The following ARHGEF7 variants were observed in gnomAD, a reference collection of about 807,000 sequenced individuals.
ARHGEF7 encodes Rho guanine nucleotide exchange factor 7.
A neutral mutation model predicts 109.8 loss-of-function variants in ARHGEF7; 33 were observed. The observed-to-expected ratio is 0.30, with a 90% CI of 0.23 to 0.40. The LOEUF is 0.40. Ranked by LOEUF, ARHGEF7 falls within the 10% of genes least tolerant of loss-of-function variation. The pLI is 1.00. For missense variants in ARHGEF7, 938 were observed against 1,098.5 expected, an observed-to-expected ratio of 0.85 and a Z score of 2.07; for synonymous variants, 458 against 424.6, an observed-to-expected ratio of 1.08 and a Z score of -0.97.
intron 16 of ARHGEF7, among the ~76,000 whole-genome samples, chr13:111,284,926 C>T (rs913819123): frequency 6.6e-6 from 1 of 152,188 alleles, no homozygotes; most frequent in African/African-American, 2.4e-5. Flanking sequence ...CAATTTGCTT[C>T]GAATTAGGGA....
chr13:111,295,349 T>C, intron 19 of ARHGEF7, among the ~76,000 whole-genome samples: 1 of 152,326 alleles, frequency 6.6e-6, no homozygotes, highest in Non-Finnish European at 1.5e-5. Context: ...GCTTGCACTC[T>C]CTTAGATTAG....
chr13:111,291,383 T>A (rs1292548663), intron 18 of ARHGEF7, among the ~76,000 whole-genome samples: 1 of 152,248 alleles, frequency 6.6e-6, no homozygotes, highest in Non-Finnish European at 1.5e-5. Context: ...CAGCAGAGGG[T>A]CTGCATTGGG....
chr13:111,184,004 A>G (rs546237101), intron 2 of ARHGEF7, among the ~76,000 whole-genome samples: 16 of 151,552 alleles, frequency 1.1e-4, no homozygotes, highest in Non-Finnish European at 1.8e-4. Context: ...TTATGGTGTG[A>G]CTCTGTCCCC....
chr13:111,172,384 TGTG>T (rs1291206615), intron 2 of ARHGEF7, among the ~76,000 whole-genome samples: 1 of 152,166 alleles, frequency 6.6e-6, no homozygotes, highest in East Asian at 1.9e-4. Context: ...TCTGTGGAAA[TGTG>T]GTCCTGGAAG....
intron 2 of ARHGEF7, chr13:111,184,945 A>T (rs552642733): frequency 1.3e-5 from 2 of 152,400 alleles, no homozygotes; most frequent in Non-Finnish European, 2.9e-5. Context: ...GTCACACTTC[A>T]GATGGGGGAT....
chr13:111,184,116 C>T (rs1408873801), intron 2 of ARHGEF7, among the ~76,000 whole-genome samples: 5 of 152,134 alleles, frequency 3.3e-5, no homozygotes, highest in Admixed American at 6.5e-5. Context: ...TTCTCATGAT[C>T]GTGAATTAGT....
At chr13:111,183,578 G>A (rs1371458608) in intron 2 of ARHGEF7, among the ~76,000 whole-genome samples, 1 of 152,150 alleles carries the variant, frequency 6.6e-6, no homozygotes, top group Non-Finnish European at 1.5e-5. Flanking sequence ...GCATCAAATA[G>A]TGCATAAACT....
intron 2 of ARHGEF7, among the ~76,000 whole-genome samples, chr13:111,196,206 C>T (rs1228595974): frequency 6.6e-6 from 1 of 152,160 alleles, no homozygotes; most frequent in African/African-American, 2.4e-5. Flanking sequence ...TCTCCTTAGT[C>T]CTTCTAGAAC....
chr13:111,303,215 T>TGGGGTGGGG lies in ARHGEF7; in HGVS notation c.*106_*107insTGGGGGGGG. The TGGGGTGGGG allele has an allele frequency of 4.4e-6, 2 of 454,542 alleles. No homozygotes were observed. The highest frequency in any genetic ancestry group is 8.0e-6 in the Non-Finnish European group (2 of 250,596). 28.2% of individuals were successfully genotyped at this position (454,542 alleles called of 1,614,324 possible). On this transcript the variant is annotated 3_prime_UTR_variant, in exon 22 of 22. Transcript: ENST00000646102. ...CTCAGGACCACAGGGCAGGGCTGGGTGGGGCGCCACCTTGCTCTCTGTATA... is the reference window on the plus strand; with the variant it reads ...CTCAGGACCACAGGGCAGGGCTGGGTGGGGTGGGGGGGGCGCCACCTTGCTCTCTGTATA...
chr13:111,229,515 G>A (rs1214913353), intron 5 of ARHGEF7, among the ~76,000 whole-genome samples: 5 of 152,018 alleles, frequency 3.3e-5, no homozygotes, highest in East Asian at 1.9e-4. Flanking sequence ...TCCTAATTGC[G>A]TATCTCTCCT....
intron 5 of ARHGEF7, among the ~76,000 whole-genome samples, chr13:111,222,868 G>C (rs1305088059): frequency 6.6e-6 from 1 of 152,228 alleles, no homozygotes; most frequent in Non-Finnish European, 1.5e-5. Context: ...CTCTGGCTTT[G>C]CGTAATGTGG....
chr13:111,221,554 TATATCTATATATATAGATAC>T (rs1474145820), intron 5 of ARHGEF7, among the ~76,000 whole-genome samples: 31 of 72,634 alleles, frequency 4.3e-4, no homozygotes, highest in Non-Finnish European at 6.3e-4. Context: ...TACATATCTA[TATATCTATATATATAGATAC>T]ATATCTATAT....
chr13:111,293,877 G>A, intron 19 of ARHGEF7: 1 of 985,374 alleles, frequency 1.0e-6, no homozygotes, highest in Non-Finnish European at 1.2e-6. Flanking sequence ...GCCGGGTCCT[G>A]CTGCTCACAA....
intron 15 of ARHGEF7, among the ~76,000 whole-genome samples, chr13:111,281,840 G>A (rs2092794651): frequency 6.6e-6 from 1 of 152,202 alleles, no homozygotes; most frequent in African/African-American, 2.4e-5. Context: ...AAGGCACTGT[G>A]CCTCATGTTT....
rs1016671813 is a variant in ARHGEF7, at chr13:111,131,556, C to T, written c.165+15865C>T. Among the ~76,000 whole-genome samples the T allele has an allele frequency of 2.0e-5, 3 of 152,062 alleles. No individual in the cohort carries two copies. The highest frequency in any genetic ancestry group is 4.8e-5 in the African/African-American group (2 of 41,412). ...GGTTTCTTACAGGGCAGTTAAAGTG[C>T]GAACGTGAGAAGGCCAAGGGCCAGC... is the stretch of plus-strand genomic sequence containing the variant. On this transcript the variant is annotated intron_variant, in intron 1 of 21. Coordinates refer to ENST00000646102, the MANE Select transcript of ARHGEF7 (RefSeq NM_001354046.2). This position sits in a 1 kb window ranked among gnomAD's most constrained non-coding sequence, Gnocchi z 4.4.
chr13:111,297,622 G>A (rs2093455896), intron 19 of ARHGEF7, among the ~76,000 whole-genome samples: 1 of 152,220 alleles, frequency 6.6e-6, no homozygotes, highest in Non-Finnish European at 1.5e-5. Flanking sequence ...TGTAAGTCAT[G>A]AAATTGAGAC....
At chr13:111,280,798 C>G (rs1178335715) in intron 15 of ARHGEF7, 121 bp downstream of exon 15, 38 of 1,143,376 alleles carry the variant, frequency 3.3e-5, no homozygotes, top group Non-Finnish European at 4.6e-5. Flanking sequence ...GTGCAAAACA[C>G]TTGCTTCACA....
At chr13:111,265,689 A>G (rs1734331271) in intron 8 of ARHGEF7, 1 of 456,470 alleles carries the variant, frequency 2.2e-6, no homozygotes, top group Non-Finnish European at 4.4e-6. Context: ...ACAGATGATC[A>G]CCAATTGGAT....
At chr13:111,223,618 C>T (rs900619081) in intron 5 of ARHGEF7, among the ~76,000 whole-genome samples, 13 of 152,106 alleles carry the variant, frequency 8.5e-5, no homozygotes, top group African/African-American at 2.9e-4. Context: ...CAAGGTTCAC[C>T]GTTGTGTTGG....
Sources: allele counts gnomAD v4.1 joint callset (sites outside exome capture counted in the v4.1 genomes callset), GRCh38; gene constraint gnomAD v4.1.1; non-coding constraint Gnocchi (gnomAD v3.1); transcripts MANE v1.5; gene names NCBI Gene and HGNC (gene_info 2026-07-23, HGNC 2026-07-21).